Variants in MIPOL1 observed in about 807,000 individuals in gnomAD.
The protein encoded by MIPOL1 is mirror-image polydactyly gene 1 protein.
A neutral mutation model predicts 60.9 loss-of-function variants in MIPOL1; 57 were observed. The ratio of observed to expected loss-of-function variants is 0.94; its 90% CI spans 0.76 to 1.17. The LOEUF is 1.17. MIPOL1 is among the 50% of genes most tolerant of loss of function. The pLI, the probability that MIPOL1 is intolerant of heterozygous loss-of-function variation, is 0.00. For missense variants in MIPOL1, 551 were observed against 511.6 expected, an observed-to-expected ratio of 1.08 and a Z score of -0.74; for synonymous variants, 179 against 168.8, an observed-to-expected ratio of 1.06 and a Z score of -0.47.
At chr14:37,405,049 G>T (rs1333897277) in intron 10 of MIPOL1, among the ~76,000 whole-genome samples, 2 of 152,030 alleles carry the variant, frequency 1.3e-5, no homozygotes, top group Non-Finnish European at 2.9e-5. Context: ...GCATTGAATG[G>T]CAGGAGAACA....
intron 11 of MIPOL1, among the ~76,000 whole-genome samples, chr14:37,453,451 T>G (rs2153576656): frequency 6.6e-6 from 1 of 152,208 alleles, no homozygotes; most frequent in African/African-American, 2.4e-5. Context: ...CTTGAGAAAA[T>G]CATGTTTTGA....
intron 10 of MIPOL1, chr14:37,401,404 A>C (rs1383842912): frequency 6.6e-6 from 1 of 152,092 alleles, no homozygotes; most frequent in Non-Finnish European, 1.5e-5. Context: ...ATCTAGGCAA[A>C]ATATCTGTAC....
intron 12 of MIPOL1, among the ~76,000 whole-genome samples, chr14:37,536,123 A>T (rs553892571): frequency 6.6e-6 from 1 of 152,200 alleles, no homozygotes; most frequent in Non-Finnish European, 1.5e-5. Context: ...ATTAGATTTG[A>T]TTAATTTTGA....
intron 11 of MIPOL1, among the ~76,000 whole-genome samples, chr14:37,488,065 T>C (rs1264271751): frequency 1.3e-5 from 2 of 152,204 alleles, no homozygotes; most frequent in African/African-American, 4.8e-5. Flanking sequence ...AGAACATCTT[T>C]ATTTCTGCCT....
chr14:37,383,616 G>T (rs1057372211), intron 10 of MIPOL1, among the ~76,000 whole-genome samples: 4 of 151,684 alleles, frequency 2.6e-5, no homozygotes, highest in Admixed American at 1.3e-4. Context: ...TCATTTACTG[G>T]TTTTTATCTA....
intron 1 of MIPOL1, among the ~76,000 whole-genome samples, chr14:37,235,034 G>A (rs1391683757): frequency 2.7e-5 from 4 of 145,616 alleles, no homozygotes; most frequent in Admixed American, 7.3e-5. Context: ...CTTGTGATCC[G>A]CCTGCCTTGG....
At chr14:37,264,073 C>T (rs1318205850) in intron 3 of MIPOL1, among the ~76,000 whole-genome samples, 1 of 152,046 alleles carries the variant, frequency 6.6e-6, no homozygotes, top group African/African-American at 2.4e-5. Flanking sequence ...TTAGTAGCTT[C>T]GTCTCATTAT....
chr14:37,223,284 C>T (rs998177201), intron 1 of MIPOL1, among the ~76,000 whole-genome samples: 9 of 152,100 alleles, frequency 5.9e-5, no homozygotes, highest in African/African-American at 1.9e-4. Context: ...CCACCCACCT[C>T]GGCCTCCCAA....
At chr14:37,232,834 T>G (rs1043394627) in intron 1 of MIPOL1, among the ~76,000 whole-genome samples, 1 of 152,230 alleles carries the variant, frequency 6.6e-6, no homozygotes, top group Non-Finnish European at 1.5e-5. Flanking sequence ...CTTCTTTTAA[T>G]GAACCTGCAA....
Position 37,297,105 on chromosome 14 carries a change from C to T in MIPOL1, c.624-10951C>T, listed in dbSNP as rs1185280435. 2.0e-5 allele frequency among the ~76,000 whole-genome samples: 3 copies of T among 152,178 alleles called. No individual in the cohort carries two copies. In the East Asian group the frequency reaches 5.8e-4, roughly 29 times the overall value. ...AGCAGCACATCAAAGAACTTATCCA[C>T]CATGATCAAGTGGGCTTCATCCCTG... On this transcript the variant is annotated intron_variant, in intron 7 of 12. Coordinates refer to ENST00000684589, the MANE Select transcript of MIPOL1 (RefSeq NM_001388067.1).
intron 7 of MIPOL1, among the ~76,000 whole-genome samples, chr14:37,295,801 A>G (rs1273885621): frequency 6.6e-6 from 1 of 152,186 alleles, no homozygotes; most frequent in African/African-American, 2.4e-5. Flanking sequence ...CAGATTCATA[A>G]AGCAAGTCCT....
At chr14:37,414,501 A>G (rs74045639) in intron 10 of MIPOL1, among the ~76,000 whole-genome samples, 8,756 of 152,140 alleles carry the variant, frequency 0.058, 875 homozygotes, top group African/African-American at 0.2. Flanking sequence ...ATATCTCTTC[A>G]TGTCTTTTCT....
At chr14:37,325,196 A>T (rs1435516471) in intron 9 of MIPOL1, among the ~76,000 whole-genome samples, 1 of 152,088 alleles carries the variant, frequency 6.6e-6, no homozygotes, top group African/African-American at 2.4e-5. Context: ...CACTTATCAC[A>T]ATCTGCTCCA....
chr14:37,317,722 A>G (rs2088076686), intron 9 of MIPOL1, among the ~76,000 whole-genome samples: 1 of 152,196 alleles, frequency 6.6e-6, no homozygotes, highest in Non-Finnish European at 1.5e-5. Flanking sequence ...TGCAGTCAAG[A>G]GAAAAAGGCA....
At chr14:37,268,938 C>A in intron 5 of MIPOL1, 145 bp downstream of exon 5, 2 of 628,260 alleles carry the variant, frequency 3.2e-6, no homozygotes, top group Non-Finnish European at 5.2e-6. Flanking sequence ...ACCTTGCCAT[C>A]AGGGTATGGT....
intron 9 of MIPOL1, among the ~76,000 whole-genome samples, chr14:37,329,055 T>G (rs1027101121): frequency 9.9e-5 from 15 of 151,868 alleles, no homozygotes; most frequent in African/African-American, 2.9e-4. Context: ...TATACTTTGT[T>G]TTTTTTTATT....
chr14:37,316,446 T>C (rs1405731708), intron 9 of MIPOL1, among the ~76,000 whole-genome samples: 1 of 152,028 alleles, frequency 6.6e-6, no homozygotes, highest in African/African-American at 2.4e-5. Flanking sequence ...AGGAGTTCCG[T>C]CCAGGACAGA....
chr14:37,246,231 G>C (rs1025650639), intron 1 of MIPOL1, among the ~76,000 whole-genome samples: 8 of 152,148 alleles, frequency 5.3e-5, no homozygotes, highest in African/African-American at 1.9e-4. Flanking sequence ...GTGTTGACTG[G>C]CAGTCTCGTT....
chr14:37,308,420 A>C lies in MIPOL1; in HGVS notation c.729A>C (p.Ile243=). 1 of 1,606,418 alleles carries C rather than the reference A, an allele frequency of 6.2e-7. No individual in the cohort carries two copies. The highest frequency in any genetic ancestry group is 1.1e-5 in the South Asian group (1 of 89,784). Residue 243 remains isoleucine (I), a synonymous_variant, in exon 9 of 13, where the codon ATA becomes ATC. Transcript: ENST00000684589. ...TGIAIQKNGA[I]IVDRIYKTKE... is the part of the protein sequence containing the mutation. The stretch of plus-strand genomic sequence containing the variant: ...TAGCTATTCAGAAGAATGGAGCTAT[A>C]ATTGTGGATAGAATCTACAAGACCA...
Sources: gnomAD v4.1 joint callset for allele counts (sites outside exome capture counted in the v4.1 genomes callset) on GRCh38, gnomAD v4.1.1 for gene constraint, MANE v1.5 for transcripts, NCBI Gene and HGNC (gene_info 2026-07-23, HGNC 2026-07-21) for gene names.